NTRK2: variants seen among roughly 807,000 people sequenced by gnomAD.
The protein encoded by NTRK2 is BDNF/NT-3 growth factors receptor.
Under a neutral mutation model 94.5 loss-of-function variants are expected in NTRK2, and 13 were observed. The observed-to-expected ratio is 0.14, with a 90% CI of 0.09 to 0.22. The LOEUF (loss-of-function observed/expected upper bound fraction) is 0.22, where lower values mean the gene tolerates loss of function less well. Among genes scored for constraint, NTRK2 ranks in the 10% least tolerant of loss-of-function variants. The pLI is 1.00. For missense variants in NTRK2, 639 were observed against 1,071.2 expected (o/e 0.60, Z 5.63); for synonymous variants, 372 against 407.4 (o/e 0.91, Z 1.05).
At chr9:84,988,725 C>T (rs1032612418) in intron 17 of NTRK2, among the ~76,000 whole-genome samples, 4 of 152,168 alleles carry the variant, frequency 2.6e-5, no homozygotes, top group African/African-American at 7.2e-5. Flanking sequence ...TGATGGCAGG[C>T]GATGCCAGGC....
At chr9:84,701,427 C>A (rs1320163445) in intron 2 of NTRK2, among the ~76,000 whole-genome samples, 1 of 152,134 alleles carries the variant, frequency 6.6e-6, no homozygotes, top group African/African-American at 2.4e-5. Flanking sequence ...GGGGAAGACT[C>A]CTCTTAGTGT....
At position 84,872,335 on chromosome 9, in the gene NTRK2, C is replaced by T. The variant is rs201713579; in HGVS notation, c.1633+4904C>T. The stretch of plus-strand genomic sequence containing the variant: ...AACAAAACATACTAACCAGCAAAAT[C>T]CCCAAATCATCAATCTTGGGTTCTC... On this transcript the variant is annotated intron_variant, in intron 14 of 18. Transcript: ENST00000277120. The T allele has an allele frequency of 1.1e-5, 12 of 1,103,188 alleles. No individual in the cohort carries two copies. The South Asian group carries it at 3.5e-4, about 32-fold the overall frequency. The allele number at this position is 1,103,188 out of a possible 1,614,324, so 68.3% of individuals were successfully genotyped here.
chr9:85,021,432 G>A lies in NTRK2; in HGVS notation c.2512G>A (p.Gly838Ser), dbSNP rs1229826541. The change falls in exon 19 of 19, where the codon GGC becomes AGC. Residue 838 changes from glycine to serine, a missense_variant. By Grantham distance (56) the Gly-to-Ser change is moderately conservative. Around this residue, in one of 5 missense-constraint regions of NTRK2, gnomAD observed 77 missense variants for 203.6 expected, o/e 0.38. Transcript: ENST00000277120. ...ATCTCCGGTCTACCTGGACATTCTAGGCTAGGGCCCTTTTCCCCAGACCGA... is the reference window on the plus strand; with the variant it reads ...ATCTCCGGTCTACCTGGACATTCTAAGCTAGGGCCCTTTTCCCCAGACCGA... Reference protein sequence around the residue: ...KASPVYLDILG With the variant: ...KASPVYLDILS 6.2e-7 allele frequency: 1 copy of A among 1,614,104 alleles called. No individual in the cohort carries two copies. Among genetic ancestry groups the A allele is most frequent in the South Asian group, 1.1e-5 (1 of 91,084 alleles).
At chr9:84,953,618 C>A (rs1182238548) in intron 16 of NTRK2, among the ~76,000 whole-genome samples, 1 of 152,178 alleles carries the variant, frequency 6.6e-6, no homozygotes, top group African/African-American at 2.4e-5. Flanking sequence ...CAAGAGGCAG[C>A]TGGGGGTTGT....
intron 12 of NTRK2, among the ~76,000 whole-genome samples, chr9:84,826,362 C>T (rs1587537222): frequency 6.6e-6 from 1 of 152,334 alleles, no homozygotes; most frequent in East Asian, 1.9e-4. Context: ...CTCTCTTCCT[C>T]TTATAGAAAT....
At chr9:84,752,661 A>G (rs1393045095) in intron 12 of NTRK2, among the ~76,000 whole-genome samples, 8 of 152,240 alleles carry the variant, frequency 5.3e-5, no homozygotes, top group Non-Finnish European at 8.8e-5. Context: ...ATTAGGCACT[A>G]ATTGACCCAA....
intron 14 of NTRK2, among the ~76,000 whole-genome samples, chr9:84,899,099 G>A (rs568088497): frequency 6.6e-6 from 1 of 152,284 alleles, no homozygotes; most frequent in East Asian, 1.9e-4. Flanking sequence ...TGAAATATGG[G>A]AGCTGAGGGG....
In NTRK2 at chr9:84,709,758, C is replaced by T. The variant is rs541136436; in HGVS notation, c.429-879C>T. Among the ~76,000 whole-genome samples the T allele has an allele frequency of 1.1e-4, 17 of 152,282 alleles. No individual in the cohort carries two copies. In the South Asian group the frequency reaches 2.9e-3, roughly 26 times the overall value. On this transcript the variant is annotated intron_variant, in intron 5 of 18. Transcript: ENST00000277120. ...AATGGAATTCATCTTAAATAGGCCACTGAGTATTACAAATAAGCATTTAAA... is the reference window on the plus strand; with the variant it reads ...AATGGAATTCATCTTAAATAGGCCATTGAGTATTACAAATAAGCATTTAAA...
intron 14 of NTRK2, among the ~76,000 whole-genome samples, chr9:84,870,331 G>GTGTGTGTATGTATATATA (rs1349303529): frequency 3.2e-5 from 1 of 31,176 alleles, no homozygotes; most frequent in Non-Finnish European, 6.8e-5. Flanking sequence ...GTGTGTGTGT[G>GTGTGTGTATGTATATATA]TATATATATA....
intron 2 of NTRK2, among the ~76,000 whole-genome samples, chr9:84,698,129 GTGTA>G: frequency 6.6e-6 from 1 of 151,840 alleles, no homozygotes; most frequent in African/African-American, 2.4e-5. Flanking sequence ...AATAGTTTCT[GTGTA>G]TGTGTGTGTG....
chr9:84,785,371 A>G (rs1379373783), intron 12 of NTRK2, among the ~76,000 whole-genome samples: 2 of 152,218 alleles, frequency 1.3e-5, no homozygotes, highest in African/African-American at 2.4e-5. Flanking sequence ...CAGAGGATCT[A>G]TATTCTAAAT....
chr9:84,981,833 A>G (rs1441271402), intron 17 of NTRK2, among the ~76,000 whole-genome samples: 2 of 152,158 alleles, frequency 1.3e-5, no homozygotes, highest in Non-Finnish European at 2.9e-5. Context: ...GGTTTTATTG[A>G]TTATTTGGAA....
At chr9:84,900,561 A>G (rs1028273251) in intron 14 of NTRK2, among the ~76,000 whole-genome samples, 3 of 152,216 alleles carry the variant, frequency 2.0e-5, no homozygotes, top group African/African-American at 7.2e-5. Flanking sequence ...CAGCATCCAT[A>G]TCTCTCAGAG....
At chr9:85,009,408 A>G (rs10116750) in intron 17 of NTRK2, among the ~76,000 whole-genome samples, 109,990 of 152,086 alleles carry the variant, frequency 0.72, 40,317 homozygotes, top group Middle Eastern at 0.8. Context: ...ACAGGGCTAC[A>G]CTACAGTGAC....
At chr9:84,678,436 ATT>A (rs1564029912) in intron 2 of NTRK2, among the ~76,000 whole-genome samples, 1 of 152,260 alleles carries the variant, frequency 6.6e-6, no homozygotes, top group Admixed American at 6.5e-5. Context: ...ATATAGTGCA[ATT>A]TAAAAAGAAA....
intron 12 of NTRK2, among the ~76,000 whole-genome samples, chr9:84,752,663 T>A (rs1327640139): frequency 6.6e-6 from 1 of 152,368 alleles, no homozygotes; most frequent in East Asian, 1.9e-4. Context: ...TAGGCACTAA[T>A]TGACCCAAAA....
intron 6 of NTRK2, among the ~76,000 whole-genome samples, chr9:84,711,445 G>A (rs1588108196): frequency 6.6e-6 from 1 of 152,330 alleles, no homozygotes; most frequent in Non-Finnish European, 1.5e-5. Context: ...GAGTTATAAG[G>A]AAGGAATAGC....
chr9:84,796,520 G>C lies in NTRK2; in HGVS notation c.1396+44435G>C, dbSNP rs545500814. On this transcript the variant is annotated intron_variant, in intron 12 of 18. Transcript: ENST00000277120. ...GAAAGGGGGTTTGTGAATGGATTTT[G>C]AACAGCCAATCTACAATATCTGCCA... Among the ~76,000 whole-genome samples, 138 of 152,274 alleles carry C rather than the reference G, an allele frequency of 9.1e-4. 1 individual carries two copies. The South Asian group carries it at 0.012, about 13-fold the overall frequency.
chr9:84,863,476 G>A (rs1036380208), intron 13 of NTRK2, among the ~76,000 whole-genome samples: 2 of 152,054 alleles, frequency 1.3e-5, no homozygotes, highest in African/African-American at 2.4e-5. Context: ...TATGAATTTC[G>A]TTTAACACAC....
Sources: allele counts gnomAD v4.1 joint callset (sites outside exome capture counted in the v4.1 genomes callset), GRCh38; gene constraint gnomAD v4.1.1; regional missense constraint gnomAD v4.1.1; transcripts MANE v1.5; gene names NCBI Gene and HGNC (gene_info 2026-07-23, HGNC 2026-07-21).